Variants in MEIKIN observed in about 807,000 individuals in gnomAD.
The protein encoded by MEIKIN is meiosis-specific kinetochore protein.
rs373640303 is a variant in MEIKIN at position 131,826,123 on chromosome 5, C to T, written c.976-7260G>A. 5.8e-5 allele frequency among the ~76,000 whole-genome samples: 8 copies of T among 137,586 alleles called. No homozygotes were observed. In the East Asian group the frequency reaches 8.4e-4, roughly 14 times the overall value. The allele number at this position is 137,586 out of a possible 152,430, so 90.3% of individuals were successfully genotyped here. On this transcript the variant is annotated intron_variant, in intron 11 of 12. Transcript: ENST00000442687. ...TTTTTTTTTACTAGAGATGGGATCT[C>T]GCTATATTGCTCAGGCTGGTCTTGG...
chr5:131,856,935 C>CT (rs58456739), intron 9 of MEIKIN, among the ~76,000 whole-genome samples: 30 of 147,292 alleles, frequency 2.0e-4, no homozygotes, highest in East Asian at 9.9e-4. Flanking sequence ...GCATTGCTTT[C>CT]TTTTTTTTTT....
At position 131,849,394 on chromosome 5, in the gene MEIKIN, C is replaced by T. The variant is rs563834024; in HGVS notation, c.975+1870G>A. ...TTATATATATAAAGAAACCTCTTTTCTTTATATATATAAAGAAACCTCTTT... is the reference window on the plus strand; with the variant it reads ...TTATATATATAAAGAAACCTCTTTTTTTTATATATATAAAGAAACCTCTTT... On this transcript the variant is annotated intron_variant, in intron 11 of 12. Transcript: ENST00000442687. Among the ~76,000 whole-genome samples, 632 of 140,772 alleles carry T rather than the reference C, an allele frequency of 4.5e-3. 2 individuals are homozygous for T. The highest frequency in any genetic ancestry group is 7.1e-3 in the Non-Finnish European group (462 of 64,790). 92.4% of individuals were successfully genotyped at this position (140,772 alleles called of 152,430 possible).
At chr5:131,882,238 A>C (rs566033613) in intron 8 of MEIKIN, among the ~76,000 whole-genome samples, 227 of 152,292 alleles carry the variant, frequency 1.5e-3, no homozygotes, top group Middle Eastern at 6.8e-3. Context: ...TCGCCCTCTT[A>C]ATCTATTCTC....
At chr5:131,809,460 A>G (rs1338970472) in intron 12 of MEIKIN, among the ~76,000 whole-genome samples, 2 of 152,158 alleles carry the variant, frequency 1.3e-5, no homozygotes, top group African/African-American at 4.8e-5. Context: ...AACCCAATTT[A>G]CCATCAATGA....
chr5:131,875,886 C>A (rs1750603742), intron 9 of MEIKIN, among the ~76,000 whole-genome samples: 2 of 152,108 alleles, frequency 1.3e-5, no homozygotes, highest in South Asian at 2.1e-4. Flanking sequence ...CAAAAACAAG[C>A]AATGGGGAAA....
chr5:131,882,529 T>C (rs1264567067), intron 8 of MEIKIN, among the ~76,000 whole-genome samples: 2 of 152,220 alleles, frequency 1.3e-5, no homozygotes, highest in African/African-American at 4.8e-5. Context: ...AATGGTAATG[T>C]CAGGTGTTGT....
chr5:131,935,417 C>T (rs913318762), intron 4 of MEIKIN, among the ~76,000 whole-genome samples: 10 of 152,028 alleles, frequency 6.6e-5, no homozygotes, highest in African/African-American at 2.4e-4. Context: ...TAAAGTCATT[C>T]CTATGGGAGT....
rs374521773 is a variant in MEIKIN, at chr5:131,910,763, T to TA, written c.703+1051dup. Reference sequence around the variant, plus strand: ...TAAAAAAATTGTAAAAAGAAATGTGTAAAAAAAAATCTCTAGAGTAAGTGG... The same window carrying TA: ...TAAAAAAATTGTAAAAAGAAATGTGTAAAAAAAAAATCTCTAGAGTAAGTGG... On this transcript the variant is annotated intron_variant, in intron 8 of 12. Transcript: ENST00000442687. Among the ~76,000 whole-genome samples, 1,408 of 151,328 alleles carry TA rather than the reference T, an allele frequency of 9.3e-3. 22 individuals carry two copies. The highest frequency in any genetic ancestry group is 0.032 in the African/African-American group (1,303 of 41,340).
intron 12 of MEIKIN, among the ~76,000 whole-genome samples, chr5:131,808,002 T>C (rs1476361695): frequency 6.6e-6 from 1 of 152,224 alleles, no homozygotes; most frequent in Non-Finnish European, 1.5e-5. Flanking sequence ...CCTGTATCTT[T>C]GCTATTCAAA....
intron 6 of MEIKIN, among the ~76,000 whole-genome samples, chr5:131,917,323 T>C (rs1751429038): frequency 6.6e-6 from 1 of 152,080 alleles, no homozygotes; most frequent in Non-Finnish European, 1.5e-5. Context: ...CCCAACACTT[T>C]TGGGGACCGA....
intron 12 of MEIKIN, among the ~76,000 whole-genome samples, chr5:131,811,885 C>T (rs554466634): frequency 7.9e-5 from 12 of 152,346 alleles, no homozygotes; most frequent in Admixed American, 6.5e-4. Flanking sequence ...TAAGCCACTG[C>T]GCCCAGCCCG....
At chr5:131,935,640 G>A (rs534360500) in intron 4 of MEIKIN, among the ~76,000 whole-genome samples, 1 of 152,150 alleles carries the variant, frequency 6.6e-6, no homozygotes, top group South Asian at 2.1e-4. Context: ...TCAAAGGGGA[G>A]CATTGTTCTG....
chr5:131,909,074 A>G (rs922383088), intron 8 of MEIKIN, among the ~76,000 whole-genome samples: 1 of 152,180 alleles, frequency 6.6e-6, no homozygotes, highest in African/African-American at 2.4e-5. Context: ...AAAGTACTAA[A>G]ATCTATATGG....
chr5:131,842,040 T>C (rs1252767551), intron 11 of MEIKIN, among the ~76,000 whole-genome samples: 1 of 151,988 alleles, frequency 6.6e-6, no homozygotes, highest in East Asian at 1.9e-4. Flanking sequence ...TCACTCTGTC[T>C]CCAGTCTGGA....
intron 8 of MEIKIN, among the ~76,000 whole-genome samples, chr5:131,902,042 A>G (rs577323477): frequency 9.7e-4 from 147 of 152,208 alleles, no homozygotes; most frequent in African/African-American, 3.4e-3. Flanking sequence ...CTGGTCCTTT[A>G]AAAGTGTATA....
At chr5:131,839,810 A>G (rs1471187738) in intron 11 of MEIKIN, among the ~76,000 whole-genome samples, 3 of 152,168 alleles carry the variant, frequency 2.0e-5, no homozygotes, top group South Asian at 4.1e-4. Flanking sequence ...CCAGCTTGCC[A>G]TTATGTGCCT....
chr5:131,910,320 A>G (rs1751313554), intron 8 of MEIKIN, among the ~76,000 whole-genome samples: 1 of 152,222 alleles, frequency 6.6e-6, no homozygotes, highest in African/African-American at 2.4e-5. Flanking sequence ...AACCAGGCAC[A>G]GAAGGACAAA....
At chr5:131,909,931 A>C (rs1164581342) in intron 8 of MEIKIN, among the ~76,000 whole-genome samples, 2 of 152,174 alleles carry the variant, frequency 1.3e-5, no homozygotes, top group African/African-American at 4.8e-5. Flanking sequence ...CATGCCGGTG[A>C]GGATGTGGAG....
intron 5 of MEIKIN, among the ~76,000 whole-genome samples, chr5:131,925,919 T>C (rs542545896): frequency 6.6e-6 from 1 of 152,298 alleles, no homozygotes; most frequent in South Asian, 2.1e-4. Context: ...CTGCCCGCCT[T>C]GGCCTCTTAA....
Sources: allele counts gnomAD v4.1 joint callset (sites outside exome capture counted in the v4.1 genomes callset), GRCh38; gene constraint gnomAD v4.1.1; transcripts MANE v1.5; gene names NCBI Gene and HGNC (gene_info 2026-07-23, HGNC 2026-07-21).